HELZ: variants seen among roughly 807,000 people sequenced by gnomAD.
The protein encoded by HELZ is ATP-dependent RNA helicase with zinc finger domain.
Under a neutral mutation model 218.2 loss-of-function variants are expected in HELZ, and 23 were observed. The ratio of observed to expected loss-of-function variants is 0.11; its 90% confidence interval spans 0.08 to 0.15. The LOEUF (loss-of-function observed/expected upper bound fraction) is 0.15. Among genes scored for constraint, HELZ ranks in the 10% least tolerant of loss-of-function variants. The pLI, the probability that HELZ is intolerant of heterozygous loss-of-function variation, is 1.00. For synonymous variants in HELZ, 814 were observed against 829.4 expected (o/e 0.98, Z 0.32); for missense variants, 1,813 against 2,353.7 (o/e 0.77, Z 4.75).
At chr17:67,211,955 C>T (rs1213711661) in intron 5 of HELZ, among the ~76,000 whole-genome samples, 4 of 152,118 alleles carry the variant, frequency 2.6e-5, no homozygotes, top group South Asian at 2.1e-4. Flanking sequence ...GGTCTGATTT[C>T]GTAACCCACA....
intron 14 of HELZ, 129 bp downstream of exon 14, chr17:67,167,334 C>A (rs942919155): frequency 4.7e-6 from 3 of 635,524 alleles, no homozygotes; most frequent in Admixed American, 3.0e-5. Context: ...AATTTTCAAC[C>A]CACCACTGTA....
chr17:67,141,174 A>C (rs142277757), intron 21 of HELZ, among the ~76,000 whole-genome samples: 441 of 152,342 alleles, frequency 2.9e-3, no homozygotes, highest in African/African-American at 0.01. Context: ...GTAATTATAA[A>C]GACAGTATAA....
chr17:67,163,995 T>A (rs1036919188), intron 15 of HELZ, among the ~76,000 whole-genome samples: 21 of 152,248 alleles, frequency 1.4e-4, no homozygotes, highest in Admixed American at 1.2e-3. Flanking sequence ...ACAATGTAAT[T>A]TTCAGAAGTG....
rs1045631217 is a variant in HELZ, at chr17:67,222,763, T to C, written c.-18-3941A>G. On this transcript the variant is annotated intron_variant, in intron 3 of 32. Transcript: ENST00000358691. ...CTGTCAAAGTCAAAATGAGAAAACA[T>C]CTCAGGCCATGCTAAAATGGACTAT... 2.6e-5 allele frequency among the ~76,000 whole-genome samples: 4 copies of C among 152,134 alleles called. No homozygotes were observed. In the East Asian group the frequency reaches 7.7e-4, roughly 29 times the overall value.
intron 13 of HELZ, among the ~76,000 whole-genome samples, chr17:67,175,950 G>A (rs2039443370): frequency 6.6e-6 from 1 of 151,996 alleles, no homozygotes; most frequent in Non-Finnish European, 1.5e-5. Flanking sequence ...AAGCTCAGAA[G>A]TTCCTATAAA....
At chr17:67,138,202 A>G (rs750262250) in intron 21 of HELZ, 88 bp from the exon 22 acceptor site, 2 of 1,081,016 alleles carry the variant, frequency 1.9e-6, no homozygotes, top group Admixed American at 2.9e-5. Flanking sequence ...TTTATAAAGG[A>G]TCCCATTTTA....
intron 5 of HELZ, among the ~76,000 whole-genome samples, chr17:67,213,141 CA>C (rs1048857990): frequency 4.6e-5 from 7 of 151,868 alleles, no homozygotes; most frequent in Non-Finnish European, 8.8e-5. Flanking sequence ...TGTACATCTC[CA>C]AAAAAACAAG....
intron 9 of HELZ, among the ~76,000 whole-genome samples, chr17:67,191,327 A>G (rs780395892): frequency 2.6e-5 from 4 of 152,236 alleles, no homozygotes; most frequent in Non-Finnish European, 2.9e-5. Flanking sequence ...CAGTCATGTT[A>G]AATTCAAGGG....
At chr17:67,213,927 CATT>C (rs757565259) in intron 5 of HELZ, among the ~76,000 whole-genome samples, 3 of 152,124 alleles carry the variant, frequency 2.0e-5, no homozygotes, top group East Asian at 3.9e-4. Flanking sequence ...GTGATGATCA[CATT>C]ATGACTTTTT....
intron 15 of HELZ, among the ~76,000 whole-genome samples, chr17:67,165,177 C>T (rs372263980): frequency 2.0e-4 from 31 of 152,296 alleles, no homozygotes; most frequent in African/African-American, 6.7e-4. Context: ...ACTGGAAACA[C>T]GCAGACTATT....
chr17:67,098,716 C>T (rs2143676017), intron 31 of HELZ, among the ~76,000 whole-genome samples: 1 of 152,208 alleles, frequency 6.6e-6, no homozygotes, highest in East Asian at 1.9e-4. Context: ...TGCACTCCGG[C>T]CTGGGTGACA....
chr17:67,107,085 C>A, intron 31 of HELZ, 84 bp downstream of exon 31: 1 of 1,232,532 alleles, frequency 8.1e-7, no homozygotes, highest in South Asian at 1.5e-5. Flanking sequence ...TCAATAAGAT[C>A]TGTGCCTTCC....
At chr17:67,123,568 G>A (rs1057120945) in intron 25 of HELZ, among the ~76,000 whole-genome samples, 2 of 152,062 alleles carry the variant, frequency 1.3e-5, no homozygotes, top group Non-Finnish European at 2.9e-5. Context: ...TATTTTAAAA[G>A]CACGACTATG....
At chr17:67,211,236 AT>A (rs996046802) in intron 5 of HELZ, among the ~76,000 whole-genome samples, 2 of 152,110 alleles carry the variant, frequency 1.3e-5, no homozygotes, top group African/African-American at 4.8e-5. Flanking sequence ...CAAATCAGCT[AT>A]TTAAAAAAAA....
intron 7 of HELZ, among the ~76,000 whole-genome samples, chr17:67,197,466 CAG>C (rs1473358342): frequency 3.9e-5 from 6 of 152,306 alleles, no homozygotes; most frequent in East Asian, 1.9e-4. Context: ...GATTTCCCTG[CAG>C]AGTTTTCCCC....
chr17:67,191,594 G>A (rs1182562591), intron 9 of HELZ, among the ~76,000 whole-genome samples: 1 of 151,858 alleles, frequency 6.6e-6, no homozygotes, highest in Non-Finnish European at 1.5e-5. Flanking sequence ...TGGGATTACA[G>A]GTGCCTGCCA....
intron 23 of HELZ, among the ~76,000 whole-genome samples, chr17:67,134,241 T>A (rs1337268950): frequency 2.0e-5 from 3 of 152,002 alleles, no homozygotes; most frequent in African/African-American, 7.2e-5. Context: ...AAACATTAGC[T>A]GGGCGTGGTG....
At chr17:67,235,749 C>CTTTTT (rs1216322685) in intron 3 of HELZ, among the ~76,000 whole-genome samples, 150 of 78,678 alleles carry the variant, frequency 1.9e-3, no homozygotes, top group Non-Finnish European at 2.3e-3. Context: ...ACCACACACT[C>CTTTTT]TTTTTTTTTT....
intron 32 of HELZ, 79 bp from the exon 33 acceptor site, chr17:67,078,665 A>C: frequency 9.6e-7 from 1 of 1,039,926 alleles, no homozygotes; most frequent in Non-Finnish European, 1.3e-6. Context: ...AGTGTGTCAG[A>C]ACTGGCTCTC....
Sources: gnomAD v4.1 joint callset for allele counts (sites outside exome capture counted in the v4.1 genomes callset) on GRCh38, gnomAD v4.1.1 for gene constraint, MANE v1.5 for transcripts, NCBI Gene and HGNC (gene_info 2026-07-23, HGNC 2026-07-21) for gene names.